Variants in BTG4 observed in about 807,000 individuals in gnomAD.
BTG4 encodes the protein BTG anti-proliferation factor 4, also known as protein BTG4.
A neutral mutation model predicts 19.3 loss-of-function variants in BTG4; 10 were observed. The ratio of observed to expected loss-of-function variants is 0.52; its 90% CI spans 0.32 to 0.88. BTG4 has a LOEUF of 0.88. Ranked by LOEUF, BTG4 falls within the 40% of genes least tolerant of loss-of-function variation. The pLI is 0.04. For missense variants in BTG4, 238 were observed against 281.9 expected, an observed-to-expected ratio of 0.84 and a Z score of 1.11; for synonymous variants, 91 against 95.7, an observed-to-expected ratio of 0.95 and a Z score of 0.29.
the BTG4 span, among the ~76,000 whole-genome samples, chr11:111,411,913 T>C: frequency 6.6e-6 from 1 of 152,196 alleles, no homozygotes; most frequent in Admixed American, 6.5e-5. Flanking sequence ...CATGAAGGTA[T>C]GAGGCAGATA....
the BTG4 span, among the ~76,000 whole-genome samples, chr11:111,440,432 T>C: frequency 2.6e-5 from 4 of 152,188 alleles, no homozygotes; most frequent in African/African-American, 9.7e-5. Context: ...AGTTTCCTGG[T>C]CCCAATGTCT....
the BTG4 span, among the ~76,000 whole-genome samples, chr11:111,442,602 A>T: frequency 3.3e-5 from 5 of 150,666 alleles, no homozygotes; most frequent in Admixed American, 3.3e-4. Flanking sequence ...CTCGAAAAAC[A>T]ACAACAACAA....
chr11:111,463,545 A>G (rs1050447827), downstream of BTG4: 7 of 152,608 alleles, frequency 4.6e-5, 1 homozygote, highest in South Asian at 6.2e-4. Flanking sequence ...GGCCATTTCA[A>G]TAGGTCCTAA....
At chr11:111,477,806 G>A (rs912666966) in intron 5 of BTG4, among the ~76,000 whole-genome samples, 7 of 152,008 alleles carry the variant, frequency 4.6e-5, no homozygotes, top group Admixed American at 6.6e-5. Flanking sequence ...AAGGGACAGC[G>A]CAGCAAAAAA....
the BTG4 span, among the ~76,000 whole-genome samples, chr11:111,443,157 G>A: frequency 7.9e-5 from 12 of 152,112 alleles, no homozygotes; most frequent in South Asian, 4.1e-4. Flanking sequence ...CAGTCCAAGC[G>A]TTAGAAAAAC....
At chr11:111,478,790 T>C (rs1300420773) in intron 5 of BTG4, among the ~76,000 whole-genome samples, 1 of 152,008 alleles carries the variant, frequency 6.6e-6, no homozygotes, top group African/African-American at 2.4e-5. Flanking sequence ...TGTTTTTAGA[T>C]AGAACAATCA....
chr11:111,484,956 G>A (rs1864967908), intron 5 of BTG4, among the ~76,000 whole-genome samples: 1 of 152,020 alleles, frequency 6.6e-6, no homozygotes, highest in African/African-American at 2.4e-5. Context: ...CAAAAAAGCA[G>A]GAGAAGCTAC....
the BTG4 span, chr11:111,453,432 G>T: frequency 4.4e-6 from 2 of 456,502 alleles, no homozygotes; most frequent in Non-Finnish European, 8.8e-6. Context: ...GCCTGAGCTG[G>T]GCTCGGAAGG....
At chr11:111,493,518 T>A (rs1440441451), downstream of BTG4, among the ~76,000 whole-genome samples, 3 of 152,170 alleles carry the variant, frequency 2.0e-5, 1 homozygote, top group Admixed American at 2.0e-4. Flanking sequence ...CCATTGCTGG[T>A]AGTCTTGTTT....
chr11:111,466,693 A>G (rs997560582), downstream of BTG4: 1 of 152,658 alleles, frequency 6.6e-6, no homozygotes, highest in Non-Finnish European at 1.5e-5. Context: ...ATTATTGTAC[A>G]GAAAAGTTAG....
At chr11:111,512,450 G>A (rs1257355955), upstream of BTG4, 1 of 152,020 alleles carries the variant, frequency 6.6e-6, no homozygotes, top group Admixed American at 6.5e-5. Flanking sequence ...GGCCCGCGGG[G>A]TTCCAAGGAC....
the BTG4 span, chr11:111,460,212 G>A: frequency 1.3e-5 from 2 of 152,618 alleles, no homozygotes; most frequent in African/African-American, 4.8e-5. Flanking sequence ...CATCCCACAG[G>A]TCTAATCCCA....
chr11:111,497,236 A>G lies in BTG4; in HGVS notation c.485T>C (p.Val162Ala), dbSNP rs778185795. ...CSKEPRVIPK[V>A]SNPKSIYQVE... is the part of the protein sequence containing the mutation. ...CTGATAAATACTCTTCGGATTGCTGACTTTAGGAATGACACGAGGTTCCTT... is the reference window on the plus strand; with the variant it reads ...CTGATAAATACTCTTCGGATTGCTGGCTTTAGGAATGACACGAGGTTCCTT... The change falls in exon 4 of 5, where the codon GTC (valine) becomes GCC (alanine). Residue 162 changes from valine to alanine, a missense_variant. Transcript: ENST00000692032. 3.7e-6 allele frequency: 6 copies of G among 1,613,354 alleles called. No individual in the cohort carries two copies. The highest frequency in any genetic ancestry group is 1.7e-5 in the Admixed American group (1 of 59,914).
chr11:111,414,059 G>A, the BTG4 span, among the ~76,000 whole-genome samples: 6 of 152,292 alleles, frequency 3.9e-5, no homozygotes, highest in East Asian at 9.6e-4. Context: ...AACTGAGAGT[G>A]AATGTGTCTT....
At position 111,468,841 on chromosome 11, in the gene BTG4, A is replaced by G. The variant is rs569020640; in HGVS notation, c.663-1160T>C. Among the ~76,000 whole-genome samples, 12 of 152,320 alleles carry G rather than the reference A, an allele frequency of 7.9e-5. No homozygotes were observed. In the East Asian group the frequency reaches 1.5e-3, roughly 20 times the overall value. On this transcript the variant is annotated intron_variant, in intron 5 of 5. Transcript: ENST00000356018. ...AGGAATTTGGGGATGGGTCTCGAGA[A>G]CAGAATCACCCCCTTGTGATTCTTA...
chr11:111,459,900 AT>A, the BTG4 span: 1 of 152,342 alleles, frequency 6.6e-6, no homozygotes, highest in African/African-American at 2.4e-5. Context: ...GGAAGGGGTC[AT>A]TCTGGTCTTC....
At chr11:111,468,038 A>C (rs746098912) in intron 5 of BTG4, among the ~76,000 whole-genome samples, 9 of 152,342 alleles carry the variant, frequency 5.9e-5, no homozygotes, top group Non-Finnish European at 1.0e-4. Context: ...AGATATGTAG[A>C]TTGGAAGTGC....
Position 111,498,154 on chromosome 11 carries a change from G to GA in BTG4, c.174-20dup. Reference sequence around the variant, plus strand: ...GATGCACCTTTTTAAAAAGCGAAGGGAAACGAAGACATGATGACAGACACT... The same window carrying GA: ...GATGCACCTTTTTAAAAAGCGAAGGGAAAACGAAGACATGATGACAGACACT... On this transcript the variant is annotated intron_variant, in intron 2 of 4. Transcript: ENST00000692032. The GA allele has an allele frequency of 1.9e-6, 3 of 1,612,866 alleles. No homozygotes were observed. The highest frequency in any genetic ancestry group is 2.5e-6 in the Non-Finnish European group (3 of 1,179,660).
intron 5 of BTG4, among the ~76,000 whole-genome samples, chr11:111,485,519 A>T (rs1360850870): frequency 6.6e-6 from 1 of 152,198 alleles, no homozygotes; most frequent in Non-Finnish European, 1.5e-5. Context: ...GAGGTCAATG[A>T]AGAAATTAAG....
Sources: allele counts gnomAD v4.1 joint callset (sites outside exome capture counted in the v4.1 genomes callset), GRCh38; gene constraint gnomAD v4.1.1; transcripts MANE v1.5; gene names NCBI Gene and HGNC (gene_info 2026-07-23, HGNC 2026-07-21).